The following CCDC150 variants were observed in gnomAD, a reference collection of about 807,000 sequenced individuals.
CCDC150 encodes coiled-coil domain-containing protein 150.
In CCDC150, 151 loss-of-function variants were observed where a neutral mutation model predicts 156.5. The ratio of observed to expected loss-of-function variants is 0.97; its 90% CI spans 0.85 to 1.10. The LOEUF is 1.10. CCDC150 is among the 50% of genes least tolerant of loss of function. The pLI is 0.00. For synonymous variants in CCDC150, 452 were observed against 429.4 expected (o/e 1.05, Z -0.65); for missense variants, 1,312 against 1,268.1 (o/e 1.03, Z -0.53).
chr2:196,674,347 AGG>A lies in CCDC150; in HGVS notation c.1137_1137+1del. ...ATTGCTGACCATCAGGCCATTCTGCAGGTATTCGTTTAACATGAAAGCCAACC... is the reference window on the plus strand; with the variant it reads ...ATTGCTGACCATCAGGCCATTCTGCATATTCGTTTAACATGAAAGCCAACC... On this transcript the variant is annotated splice_donor_variant and coding_sequence_variant, in exon 10 of 28. Transcript: ENST00000389175. LOFTEE classifies it high-confidence loss of function. 6.3e-7 allele frequency: 1 copy of A among 1,589,690 alleles called. No individual in the cohort carries two copies. Among genetic ancestry groups the A allele is most frequent in the South Asian group, 1.1e-5 (1 of 87,320 alleles).
At chr2:196,677,386 A>T (rs370160037) in intron 13 of CCDC150, 25 bp downstream of exon 13, 2 of 1,377,532 alleles carry the variant, frequency 1.5e-6, no homozygotes, top group Non-Finnish European at 2.0e-6. Context: ...ACTTACTGAT[A>T]TTTCACTATA....
intron 8 of CCDC150, among the ~76,000 whole-genome samples, chr2:196,670,081 A>C (rs1228147791): frequency 1.3e-5 from 2 of 152,172 alleles, no homozygotes; most frequent in Non-Finnish European, 2.9e-5. Flanking sequence ...TGAAAAATGT[A>C]ATTTGGCAAA....
intron 13 of CCDC150, among the ~76,000 whole-genome samples, chr2:196,689,869 A>G (rs1038190578): frequency 1.3e-5 from 2 of 152,160 alleles, no homozygotes; most frequent in African/African-American, 4.8e-5. Flanking sequence ...TCAGTATGAT[A>G]TTGGCTGTGG....
At chr2:196,731,978 A>G (rs954864098) in intron 26 of CCDC150, 55 bp from the exon 27 acceptor site, 13 of 1,569,800 alleles carry the variant, frequency 8.3e-6, no homozygotes, top group African/African-American at 2.7e-5. Context: ...CTAATACACA[A>G]AAAAACTTGT....
intron 13 of CCDC150, among the ~76,000 whole-genome samples, chr2:196,691,829 T>C (rs1312981308): frequency 2.0e-5 from 3 of 152,118 alleles, no homozygotes; most frequent in African/African-American, 7.2e-5. Flanking sequence ...TAGTCCCAGC[T>C]ACTCGGGAGA....
rs186621098 is a variant in CCDC150 at position 196,732,720 on chromosome 2, A to G, written c.*158A>G. ...AGTTTATCACTTTATGAACTCTTATATCAGTACAAAACTACCCCTTTTTTT... is the reference window on the plus strand; with the variant it reads ...AGTTTATCACTTTATGAACTCTTATGTCAGTACAAAACTACCCCTTTTTTT... On this transcript the variant is annotated 3_prime_UTR_variant, in exon 28 of 28. Coordinates refer to ENST00000389175, the MANE Select transcript of CCDC150 (RefSeq NM_001080539.2). 1.2e-4 allele frequency: 68 copies of G among 546,572 alleles called. No homozygotes were observed. Among genetic ancestry groups the G allele is most frequent in the African/African-American group, 1.2e-3 (65 of 52,816 alleles). 33.9% of individuals were successfully genotyped at this position (546,572 alleles called of 1,614,324 possible). A position where few individuals can be genotyped will look rare whatever the true frequency, so the allele number is the denominator to read the frequency against.
At chr2:196,689,965 A>G (rs932007889) in intron 13 of CCDC150, among the ~76,000 whole-genome samples, 7 of 152,134 alleles carry the variant, frequency 4.6e-5, no homozygotes, top group African/African-American at 1.7e-4. Context: ...AGGGTTGTTG[A>G]ATTTTGTCAA....
At position 196,657,007 on chromosome 2, in the gene CCDC150, C is replaced by G. The variant is rs765158094; in HGVS notation, c.447C>G (p.Asp149Glu). 1.9e-6 allele frequency: 3 copies of G among 1,613,600 alleles called. No homozygotes were observed. The highest frequency in any genetic ancestry group is 2.2e-5 in the South Asian group (2 of 91,046). The change falls in exon 4 of 28, where the codon GAC becomes GAG. Residue 149 changes from aspartate (D) to glutamate (E), a missense_variant. By Grantham distance (45) the Asp-to-Glu change is conservative. Transcript: ENST00000389175. ...LNAIQEEHSK[D>E]LKLLHLEVMN... is the part of the protein sequence containing the mutation. Reference sequence around the variant, plus strand: ...CAATACAGGAAGAGCATTCTAAGGACCTGAAGCTGTTGCATCTCGAAGTTA... The same window carrying G: ...CAATACAGGAAGAGCATTCTAAGGAGCTGAAGCTGTTGCATCTCGAAGTTA...
chr2:196,715,943 T>C (rs753841785), intron 17 of CCDC150, among the ~76,000 whole-genome samples: 7 of 152,226 alleles, frequency 4.6e-5, no homozygotes, highest in Non-Finnish European at 7.3e-5. Context: ...GGAGGAATTA[T>C]TTGCAAATCA....
chr2:196,719,249 A>G, intron 18 of CCDC150: 3 of 311,000 alleles, frequency 9.6e-6, no homozygotes, highest in Non-Finnish European at 1.8e-5. Flanking sequence ...GTTAATGTGT[A>G]TGCTGTAACA....
intron 14 of CCDC150, 133 bp downstream of exon 14, chr2:196,695,292 GTAT>G: frequency 4.0e-6 from 2 of 501,990 alleles, no homozygotes; most frequent in South Asian, 7.7e-5. Context: ...GATTCTTACA[GTAT>G]TCAAACAATA....
chr2:196,643,901 C>T (rs1692380800), intron 1 of CCDC150, among the ~76,000 whole-genome samples: 1 of 152,172 alleles, frequency 6.6e-6, no homozygotes, highest in South Asian at 2.1e-4. Context: ...TTTTATCTCA[C>T]ATAAGCAGAG....
At chr2:196,731,511 C>T (rs986984229) in intron 26 of CCDC150, among the ~76,000 whole-genome samples, 1 of 151,188 alleles carries the variant, frequency 6.6e-6, no homozygotes, top group African/African-American at 2.4e-5. Context: ...CCACTTGAGC[C>T]TCCCAAGTAG....
At chr2:196,715,223 T>A (rs2125697071) in intron 17 of CCDC150, among the ~76,000 whole-genome samples, 1 of 152,300 alleles carries the variant, frequency 6.6e-6, no homozygotes, top group Non-Finnish European at 1.5e-5. Context: ...TATTGCTGGC[T>A]AATAGCAACA....
chr2:196,731,491 A>C (rs1698521176), intron 26 of CCDC150, among the ~76,000 whole-genome samples: 1 of 151,196 alleles, frequency 6.6e-6, no homozygotes, highest in Non-Finnish European at 1.5e-5. Context: ...CCCAGGCTCA[A>C]ATGATCCTCC....
At chr2:196,667,792 T>C (rs1484801301) in intron 7 of CCDC150, 1 of 152,240 alleles carries the variant, frequency 6.6e-6, no homozygotes, top group Non-Finnish European at 1.5e-5. Context: ...TTCAATGTTT[T>C]GACTTACTGC....
At chr2:196,667,228 G>A (rs1693903061) in intron 7 of CCDC150, 1 of 241,676 alleles carries the variant, frequency 4.1e-6, no homozygotes, top group Non-Finnish European at 8.2e-6. Context: ...TATGGATTCT[G>A]TCAGTTCATC....
chr2:196,684,154 A>G (rs1417806594), intron 13 of CCDC150, among the ~76,000 whole-genome samples: 1 of 152,038 alleles, frequency 6.6e-6, no homozygotes. Context: ...GGTTCAGGGG[A>G]GTGCCCATAA....
intron 2 of CCDC150, among the ~76,000 whole-genome samples, chr2:196,654,040 C>T (rs1693038763): frequency 6.6e-6 from 1 of 152,106 alleles, no homozygotes; most frequent in South Asian, 2.1e-4. Context: ...CTTTAGATAG[C>T]CAGCTCTTGT....
Sources: gnomAD v4.1 joint callset for allele counts (sites outside exome capture counted in the v4.1 genomes callset) on GRCh38, gnomAD v4.1.1 for gene constraint, MANE v1.5 for transcripts, NCBI Gene and HGNC (gene_info 2026-07-23, HGNC 2026-07-21) for gene names.